Variants in XKR9 observed in about 807,000 individuals in gnomAD.
The protein encoded by XKR9 is XK related 9, also known as XK-related protein 9.
In XKR9, 32 loss-of-function variants were observed where a neutral mutation model predicts 32.0. The observed-to-expected ratio is 1.00, with a 90% CI of 0.76 to 1.34. The LOEUF is 1.34. Among genes scored for constraint, XKR9 ranks in the 40% most tolerant of loss-of-function variants. The pLI is 0.00. For missense variants in XKR9, 546 were observed against 429.7 expected, an observed-to-expected ratio of 1.27 and a Z score of -2.39; for synonymous variants, 168 against 143.4, an observed-to-expected ratio of 1.17 and a Z score of -1.22.
At chr8:70,838,583 C>T in the XKR9 span, among the ~76,000 whole-genome samples, 6 of 152,076 alleles carry the variant, frequency 3.9e-5, no homozygotes, top group East Asian at 3.9e-4. Flanking sequence ...GGCTCAGAGA[C>T]GTTAGGTAAT....
At chr8:70,909,029 C>A in the XKR9 span, among the ~76,000 whole-genome samples, 5 of 152,170 alleles carry the variant, frequency 3.3e-5, no homozygotes, top group African/African-American at 1.2e-4. Context: ...TTTCCAAATC[C>A]CTACCACCAT....
rs1243396207 is a variant in XKR9 at position 70,778,695 on chromosome 8, A to T, written n.353-10644A>T. Among the ~76,000 whole-genome samples, 6 of 152,182 alleles carry T rather than the reference A, an allele frequency of 3.9e-5. No homozygotes were observed. The East Asian group carries it at 5.8e-4, about 15-fold the overall frequency. Reference sequence around the variant, plus strand: ...TGTAAGTTGGATTCCTAGGTATTTCATTCTCTTTGTAGTAATTGTGAATGG... The same window carrying T: ...TGTAAGTTGGATTCCTAGGTATTTCTTTCTCTTTGTAGTAATTGTGAATGG... On this transcript the variant is annotated intron_variant and non_coding_transcript_variant, in intron 2 of 3. Transcript: ENST00000520273.
At chr8:70,700,797 A>C (rs573890591) in intron 3 of XKR9, among the ~76,000 whole-genome samples, 1 of 152,216 alleles carries the variant, frequency 6.6e-6, no homozygotes, top group South Asian at 2.1e-4. Flanking sequence ...GGTGGAGCCT[A>C]CAGAGGCAGG....
chr8:70,934,656 G>A, the XKR9 span, among the ~76,000 whole-genome samples: 1 of 151,800 alleles, frequency 6.6e-6, no homozygotes, highest in Admixed American at 6.6e-5. Context: ...TATAACACAG[G>A]GGAAGAGAAT....
chr8:70,783,233 T>G (rs558212973), intron 2 of XKR9, among the ~76,000 whole-genome samples: 1 of 152,044 alleles, frequency 6.6e-6, no homozygotes, highest in Non-Finnish European at 1.5e-5. Flanking sequence ...TGTCTTTTTT[T>G]TTTTTTTCTT....
intron 3 of XKR9, among the ~76,000 whole-genome samples, chr8:70,682,363 A>AT (rs1359857504): frequency 2.0e-5 from 3 of 152,202 alleles, no homozygotes; most frequent in South Asian, 2.1e-4. Context: ...GAATTTAGAA[A>AT]TATGGTAAAT....
chr8:70,698,313 T>G (rs1373677605), intron 3 of XKR9, among the ~76,000 whole-genome samples: 1 of 152,184 alleles, frequency 6.6e-6, no homozygotes, highest in Non-Finnish European at 1.5e-5. Context: ...CTTTCTCTTG[T>G]GGGCATTTAG....
chr8:70,761,514 A>G (rs995228558), intron 2 of XKR9, among the ~76,000 whole-genome samples: 20 of 152,128 alleles, frequency 1.3e-4, no homozygotes, highest in African/African-American at 4.3e-4. Flanking sequence ...TCTTTTGAGA[A>G]GTGTCTGTTC....
chr8:70,692,822 T>C (rs1336950523), intron 3 of XKR9, among the ~76,000 whole-genome samples: 2 of 152,076 alleles, frequency 1.3e-5, no homozygotes, highest in Non-Finnish European at 2.9e-5. Flanking sequence ...TCAGGTGATC[T>C]GCCCGCCATA....
chr8:70,747,686 AAGAT>A (rs763260812), intron 2 of XKR9, among the ~76,000 whole-genome samples: 10 of 152,222 alleles, frequency 6.6e-5, no homozygotes, highest in Non-Finnish European at 1.3e-4. Context: ...AAAACAGATT[AAGAT>A]AGATAGGTAG....
chr8:70,779,463 C>T lies in XKR9; in HGVS notation n.353-9876C>T, dbSNP rs538627732. 5.9e-5 allele frequency among the ~76,000 whole-genome samples: 9 copies of T among 152,214 alleles called. No homozygotes were observed. In the East Asian group the frequency reaches 1.7e-3, roughly 29 times the overall value. On this transcript the variant is annotated intron_variant and non_coding_transcript_variant, in intron 2 of 3. Coordinates refer to the XKR9 transcript ENST00000520273. ...GGCTTTGGTATCAAGATGATGCTGG[C>T]CTCATAAAATGAGGTAGGGAGGATT...
intron 3 of XKR9, among the ~76,000 whole-genome samples, chr8:70,702,905 A>T (rs1232362095): frequency 6.6e-6 from 1 of 152,142 alleles, no homozygotes; most frequent in Non-Finnish European, 1.5e-5. Flanking sequence ...TAGTGTAATT[A>T]TTGATATGGT....
chr8:70,849,934 C>T, the XKR9 span, among the ~76,000 whole-genome samples: 1 of 151,558 alleles, frequency 6.6e-6, no homozygotes, highest in African/African-American at 2.4e-5. Flanking sequence ...AGTAGAATCT[C>T]GAATAGACCG....
chr8:71,011,689 A>G, the XKR9 span, among the ~76,000 whole-genome samples: 2 of 152,152 alleles, frequency 1.3e-5, no homozygotes, highest in African/African-American at 4.8e-5. Context: ...CTTTAGCTGG[A>G]ACTCTGGAAA....
Position 70,734,018 on chromosome 8 carries a change from G to C in XKR9, c.716G>C (p.Trp239Ser). Residue 239 changes from tryptophan (W) to serine (S), a missense_variant, in exon 5 of 5, where the codon TGG (tryptophan) becomes TCG (serine). By Grantham distance (177) the Trp-to-Ser change is radical. Coordinates refer to ENST00000408926, the MANE Select transcript of XKR9 (RefSeq NM_001011720.2). ...KIALFLLLFL[W>S]LLGIIWAFKN... ...GCTTTATTTCTGTTGTTATTTCTTT[G>C]GTTGTTAGGTATAATATGGGCATTT... The C allele has an allele frequency of 3.7e-6, 6 of 1,612,486 alleles. No homozygotes were observed. Among genetic ancestry groups the C allele is most frequent in the Non-Finnish European group, 5.1e-6 (6 of 1,179,564 alleles).
At chr8:70,806,307 G>A in the XKR9 span, among the ~76,000 whole-genome samples, 2 of 152,210 alleles carry the variant, frequency 1.3e-5, no homozygotes, top group Non-Finnish European at 2.9e-5. Context: ...ACAAAGTTGA[G>A]AAGGAATCAA....
At chr8:70,741,203 T>C (rs1375933114) in intron 2 of XKR9, among the ~76,000 whole-genome samples, 1 of 152,162 alleles carries the variant, frequency 6.6e-6, no homozygotes, top group Non-Finnish European at 1.5e-5. Flanking sequence ...CTTTGGGCAG[T>C]ATTTAAGATT....
the XKR9 span, among the ~76,000 whole-genome samples, chr8:70,850,584 C>G: frequency 1.2e-4 from 19 of 152,026 alleles, no homozygotes; most frequent in African/African-American, 4.1e-4. Flanking sequence ...TAGAGCTTAT[C>G]CACCACAATC....
chr8:70,853,947 T>C, the XKR9 span, among the ~76,000 whole-genome samples: 1 of 152,214 alleles, frequency 6.6e-6, no homozygotes, highest in Non-Finnish European at 1.5e-5. Context: ...TTTGGGTTGG[T>C]TCCAAGTCTT....
Sources: gnomAD v4.1 joint callset for allele counts (sites outside exome capture counted in the v4.1 genomes callset) on GRCh38, gnomAD v4.1.1 for gene constraint, MANE v1.5 for transcripts, NCBI Gene and HGNC (gene_info 2026-07-23, HGNC 2026-07-21) for gene names.